Variants in EGFLAM observed in about 807,000 individuals in gnomAD.
EGFLAM encodes the protein EGF like, fibronectin type III and laminin G domains.
Under a neutral mutation model 113.1 loss-of-function variants are expected in EGFLAM, and 79 were observed. The observed-to-expected ratio is 0.70, with a 90% CI of 0.58 to 0.84. The LOEUF (loss-of-function observed/expected upper bound fraction) is 0.84. EGFLAM is among the 40% of genes least tolerant of loss of function. The pLI is 0.00. For missense variants in EGFLAM, 1,265 were observed against 1,291.6 expected (o/e 0.98, Z 0.32); for synonymous variants, 504 against 487.6 (o/e 1.03, Z -0.44).
intron 3 of EGFLAM, among the ~76,000 whole-genome samples, chr5:38,349,464 T>G (rs778207750): frequency 3.3e-5 from 5 of 152,176 alleles, no homozygotes; most frequent in Non-Finnish European, 5.9e-5. Flanking sequence ...GTTACAATCA[T>G]GCAAGATGGT....
At chr5:38,406,078 C>A in intron 6 of EGFLAM, 48 bp from the exon 7 acceptor site, 1 of 1,471,860 alleles carries the variant, frequency 6.8e-7, no homozygotes, top group Non-Finnish European at 9.5e-7. Flanking sequence ...GACAATAGTG[C>A]AAAGAAGGCC....
intron 16 of EGFLAM, among the ~76,000 whole-genome samples, chr5:38,437,469 G>T (rs149419426): frequency 7.1e-4 from 108 of 152,228 alleles, no homozygotes; most frequent in African/African-American, 2.5e-3. Flanking sequence ...TTCCGCCTCC[G>T]TAACACTGTG....
intron 5 of EGFLAM, among the ~76,000 whole-genome samples, chr5:38,363,745 G>A (rs563899626): frequency 1.1e-4 from 17 of 152,086 alleles, no homozygotes; most frequent in East Asian, 3.9e-4. Flanking sequence ...ACATCATTCC[G>A]AGAAGGCGTT....
chr5:38,424,057 C>T (rs753714407), intron 12 of EGFLAM, among the ~76,000 whole-genome samples: 32 of 152,180 alleles, frequency 2.1e-4, no homozygotes, highest in African/African-American at 6.3e-4. Flanking sequence ...TCCAGAGGCA[C>T]GCCCTTCTAC....
chr5:38,330,345 G>A (rs1019865455), intron 1 of EGFLAM, among the ~76,000 whole-genome samples: 42 of 152,278 alleles, frequency 2.8e-4, no homozygotes, highest in African/African-American at 1.0e-3. Context: ...CAAAACATGA[G>A]AACTCATCAT....
chr5:38,305,489 A>C (rs1448212699), intron 1 of EGFLAM: 1 of 454,912 alleles, frequency 2.2e-6, no homozygotes, highest in East Asian at 7.0e-5. Flanking sequence ...CGCAGGACCA[A>C]AGCTGCAGGA....
chr5:38,393,884 C>T (rs115515524), intron 6 of EGFLAM, among the ~76,000 whole-genome samples: 4,439 of 152,284 alleles, frequency 0.029, 248 homozygotes, highest in African/African-American at 0.1. Context: ...GGTTCTTGTC[C>T]GGTGTCCAGG....
chr5:38,316,718 G>A (rs2589816), intron 1 of EGFLAM, among the ~76,000 whole-genome samples: 3,704 of 152,114 alleles, frequency 0.024, 178 homozygotes, highest in African/African-American at 0.085. Context: ...GCCCCTCAGT[G>A]CACCCTGAAC....
chr5:38,281,947 G>GA (rs1758031832), intron 1 of EGFLAM, among the ~76,000 whole-genome samples: 1 of 152,164 alleles, frequency 6.6e-6, no homozygotes, highest in East Asian at 1.9e-4. Flanking sequence ...GAAATAAAGG[G>GA]AAGATAATTC....
At chr5:38,424,937 T>C (rs775569852) in intron 12 of EGFLAM, 30 bp from the exon 13 acceptor site, 16 of 1,611,160 alleles carry the variant, frequency 9.9e-6, no homozygotes, top group Admixed American at 1.7e-5. Flanking sequence ...ACATGGAGGA[T>C]TGGCTTTGTA....
intron 1 of EGFLAM, among the ~76,000 whole-genome samples, chr5:38,323,944 A>G (rs186266610): frequency 8.5e-4 from 128 of 149,976 alleles, no homozygotes; most frequent in African/African-American, 3.1e-3. Context: ...CTGGAGCCTG[A>G]GGCAGGAGAA....
At chr5:38,392,636 GC>G (rs1258150509) in intron 6 of EGFLAM, among the ~76,000 whole-genome samples, 26 of 146,918 alleles carry the variant, frequency 1.8e-4, no homozygotes, top group African/African-American at 6.1e-4. Context: ...TTTTGGGGGG[GC>G]GGTTCTCACT....
chr5:38,343,955 TCA>T (rs1420515734), intron 3 of EGFLAM, among the ~76,000 whole-genome samples: 1 of 152,232 alleles, frequency 6.6e-6, no homozygotes, highest in African/African-American at 2.4e-5. Flanking sequence ...CTCTCCTGGC[TCA>T]CAGTCAAGTG....
chr5:38,352,337 T>C lies in EGFLAM; in HGVS notation c.545+6T>C. On this transcript the variant is annotated splice_donor_region_variant and intron_variant, in intron 5 of 21. Transcript: ENST00000322350. The stretch of plus-strand genomic sequence containing the variant: ...TATTCTGTGGAATTCATCAGGTAAG[T>C]CTGTATGTCACATTCAAAAGCCAAA... 6.2e-7 allele frequency: 1 copy of C among 1,613,816 alleles called. No homozygotes were observed. The highest frequency in any genetic ancestry group is 8.5e-7 in the Non-Finnish European group (1 of 1,179,828).
At chr5:38,325,268 C>A (rs1190917207) in intron 1 of EGFLAM, among the ~76,000 whole-genome samples, 1 of 152,142 alleles carries the variant, frequency 6.6e-6, no homozygotes, top group Admixed American at 6.6e-5. Context: ...AGACTCTAGA[C>A]CTCAGTTTCT....
intron 6 of EGFLAM, among the ~76,000 whole-genome samples, chr5:38,392,115 A>C (rs554509438): frequency 3.9e-5 from 6 of 152,176 alleles, no homozygotes; most frequent in African/African-American, 1.4e-4. Context: ...CCCACCCTCC[A>C]TCCTCAGGTA....
At chr5:38,319,074 T>A (rs1040251007) in intron 1 of EGFLAM, among the ~76,000 whole-genome samples, 20 of 152,138 alleles carry the variant, frequency 1.3e-4, no homozygotes, top group Non-Finnish European at 2.6e-4. Flanking sequence ...GGGGTAAATA[T>A]CACCTTGGCT....
intron 6 of EGFLAM, among the ~76,000 whole-genome samples, chr5:38,375,887 A>C (rs1395137793): frequency 6.6e-6 from 1 of 152,204 alleles, no homozygotes; most frequent in Non-Finnish European, 1.5e-5. Context: ...AGGTCCTCTA[A>C]TGAGAGCTAG....
At chr5:38,321,502 G>T (rs1738739597) in intron 1 of EGFLAM, among the ~76,000 whole-genome samples, 1 of 152,136 alleles carries the variant, frequency 6.6e-6, no homozygotes, top group African/African-American at 2.4e-5. Flanking sequence ...CACTGTGCAG[G>T]CTCCCACACA....
Sources: allele counts gnomAD v4.1 joint callset (sites outside exome capture counted in the v4.1 genomes callset), GRCh38; gene constraint gnomAD v4.1.1; transcripts MANE v1.5; gene names NCBI Gene and HGNC (gene_info 2026-07-23, HGNC 2026-07-21).